The following MYO9A variants were observed in gnomAD, a reference collection of about 807,000 sequenced individuals.
MYO9A encodes the protein myosin IXA.
A neutral mutation model predicts 293.3 loss-of-function variants in MYO9A; 103 were observed. That is an observed-to-expected ratio of 0.35 (90% CI 0.30 to 0.41). MYO9A has a LOEUF of 0.41. MYO9A is among the 10% of genes least tolerant of loss of function. The pLI is 1.00. For synonymous variants in MYO9A, 1,001 were observed against 1,035.7 expected (o/e 0.97, Z 0.64); for missense variants, 2,685 against 3,033.0 (o/e 0.89, Z 2.69).
intron 39 of MYO9A, among the ~76,000 whole-genome samples, chr15:71,838,906 T>C (rs1003046474): frequency 6.6e-6 from 1 of 152,202 alleles, no homozygotes; most frequent in Non-Finnish European, 1.5e-5. Flanking sequence ...TTAAAAGCTG[T>C]GTTTTCAGAG....
chr15:72,073,500 T>C (rs1257798104), intron 1 of MYO9A, among the ~76,000 whole-genome samples: 11 of 152,192 alleles, frequency 7.2e-5, no homozygotes, highest in African/African-American at 2.4e-4. Flanking sequence ...ATATATTCCA[T>C]GGATGACCTC....
intron 1 of MYO9A, among the ~76,000 whole-genome samples, chr15:72,096,234 A>C (rs2150729765): frequency 6.6e-6 from 1 of 151,962 alleles, no homozygotes; most frequent in Non-Finnish European, 1.5e-5. Flanking sequence ...GATACTCAGG[A>C]GGTTGAGGTG....
chr15:72,046,792 T>C (rs1291597768), intron 1 of MYO9A, among the ~76,000 whole-genome samples, 158 bp from the exon 2 acceptor site: 1 of 152,226 alleles, frequency 6.6e-6, no homozygotes, highest in East Asian at 1.9e-4. Context: ...GACCACATAA[T>C]ATTAAGTTTC....
At chr15:71,832,082 G>C (rs1454362730) in intron 39 of MYO9A, among the ~76,000 whole-genome samples, 1 of 152,182 alleles carries the variant, frequency 6.6e-6, no homozygotes, top group African/African-American at 2.4e-5. Flanking sequence ...TTCAAGACCA[G>C]CCTGGCCAAT....
chr15:71,832,811 A>AT (rs778186914), intron 39 of MYO9A, among the ~76,000 whole-genome samples: 53 of 152,356 alleles, frequency 3.5e-4, no homozygotes, highest in Non-Finnish European at 6.2e-4. Flanking sequence ...GATGTGTTGA[A>AT]TTTAAAACAT....
At chr15:72,089,351 A>T (rs1047427029) in intron 1 of MYO9A, among the ~76,000 whole-genome samples, 1 of 151,830 alleles carries the variant, frequency 6.6e-6, no homozygotes, top group African/African-American at 2.4e-5. Context: ...TTTTGTAGAG[A>T]CAGTTTCACT....
chr15:71,947,940 T>A (rs1157171530), intron 15 of MYO9A, among the ~76,000 whole-genome samples: 1 of 152,346 alleles, frequency 6.6e-6, no homozygotes, highest in Non-Finnish European at 1.5e-5. Flanking sequence ...CTGTAGCTCA[T>A]GCTCCCCAAA....
intron 14 of MYO9A, among the ~76,000 whole-genome samples, chr15:71,957,849 C>T (rs2059240310): frequency 6.6e-6 from 1 of 152,162 alleles, no homozygotes; most frequent in Admixed American, 6.5e-5. Flanking sequence ...AGCTGAATTA[C>T]CCATCTTTGC....
intron 7 of MYO9A, among the ~76,000 whole-genome samples, chr15:72,008,871 G>C (rs991201611): frequency 1.3e-5 from 2 of 151,924 alleles, no homozygotes; most frequent in Non-Finnish European, 2.9e-5. Flanking sequence ...TACAAAATTT[G>C]GCTTATGAAA....
chr15:72,044,607 CAT>C (rs1455924836), intron 2 of MYO9A, among the ~76,000 whole-genome samples: 5 of 152,274 alleles, frequency 3.3e-5, no homozygotes, highest in African/African-American at 7.2e-5. Flanking sequence ...TCAAATTCCA[CAT>C]ATAAGTGAGA....
At chr15:72,002,050 T>C (rs2076881242) in intron 8 of MYO9A, among the ~76,000 whole-genome samples, 2 of 151,726 alleles carry the variant, frequency 1.3e-5, no homozygotes, top group African/African-American at 2.4e-5. Context: ...AGCTCAGGAG[T>C]TAAAGACCAG....
chr15:71,988,973 C>A (rs1167736436), intron 11 of MYO9A, among the ~76,000 whole-genome samples: 1 of 152,150 alleles, frequency 6.6e-6, no homozygotes, highest in Non-Finnish European at 1.5e-5. Flanking sequence ...CGGCTCACTG[C>A]AACCTACGCC....
intron 2 of MYO9A, among the ~76,000 whole-genome samples, chr15:72,036,359 A>G (rs2078046319): frequency 6.6e-6 from 1 of 152,236 alleles, no homozygotes; most frequent in Non-Finnish European, 1.5e-5. Context: ...GAATGCTGAC[A>G]AAAACTGTCA....
At chr15:72,054,339 G>A (rs965495795) in intron 1 of MYO9A, among the ~76,000 whole-genome samples, 3 of 152,208 alleles carry the variant, frequency 2.0e-5, no homozygotes, top group Non-Finnish European at 4.4e-5. Flanking sequence ...AGAGTGGCAA[G>A]TAAGTAGCTA....
At chr15:72,086,744 G>GT (rs970984462) in intron 1 of MYO9A, among the ~76,000 whole-genome samples, 4 of 14,146 alleles carry the variant, frequency 2.8e-4, no homozygotes, top group African/African-American at 3.4e-4. Context: ...CACCGGGGCT[G>GT]TTTTGTTTTT....
intron 11 of MYO9A, among the ~76,000 whole-genome samples, chr15:71,983,909 A>G (rs143027341): frequency 2.6e-5 from 4 of 152,386 alleles, no homozygotes; most frequent in African/African-American, 9.6e-5. Context: ...CTACAATAGG[A>G]AACAACTTGC....
chr15:72,053,341 G>C (rs2078626107), intron 1 of MYO9A, among the ~76,000 whole-genome samples: 1 of 152,088 alleles, frequency 6.6e-6, no homozygotes, highest in South Asian at 2.1e-4. Context: ...AGGAGGCGCA[G>C]GTTGCAGTAA....
At chr15:72,107,906 T>C (rs1282235690) in intron 1 of MYO9A, among the ~76,000 whole-genome samples, 1 of 152,078 alleles carries the variant, frequency 6.6e-6, no homozygotes, top group African/African-American at 2.4e-5. Context: ...ATCCTCACTC[T>C]AAAAATTAAG....
intron 1 of MYO9A, among the ~76,000 whole-genome samples, chr15:72,111,866 A>G (rs907995451): frequency 1.5e-4 from 23 of 152,030 alleles, no homozygotes; most frequent in African/African-American, 5.3e-4. Flanking sequence ...GCTGGTCTCA[A>G]ACTCCTAGGC....
Sources: gnomAD v4.1 joint callset for allele counts (sites outside exome capture counted in the v4.1 genomes callset) on GRCh38, gnomAD v4.1.1 for gene constraint, MANE v1.5 for transcripts, NCBI Gene and HGNC (gene_info 2026-07-23, HGNC 2026-07-21) for gene names.